LMLN: variants seen among roughly 807,000 people sequenced by gnomAD.
The protein encoded by LMLN is leishmanolysin like peptidase.
In LMLN, 70 loss-of-function variants were observed where a neutral mutation model predicts 92.3. The observed-to-expected ratio is 0.76, with a 90% confidence interval of 0.63 to 0.92. LMLN has a LOEUF of 0.92. Ranked by LOEUF, LMLN falls within the 40% of genes least tolerant of loss-of-function variation. The probability of loss-of-function intolerance (pLI) is 0.00; values close to 1 mark genes in which losing one functional copy is unlikely to be tolerated. For missense variants in LMLN, 691 were observed against 814.6 expected, an observed-to-expected ratio of 0.85 and a Z score of 1.85; for synonymous variants, 308 against 296.2, an observed-to-expected ratio of 1.04 and a Z score of -0.41.
At chr3:197,990,522 T>A in intron 8 of LMLN, 37 bp from the exon 9 acceptor site, 1 of 878,004 alleles carries the variant, frequency 1.1e-6, no homozygotes, top group East Asian at 2.5e-5. Flanking sequence ...AATGGTGAAT[T>A]TTCAGTAATA....
Position 198,036,122 on chromosome 3 carries a change from T to A in LMLN, c.1867+79T>A, listed in dbSNP as rs1723229166. On this transcript the variant is annotated intron_variant, in intron 15 of 15. Coordinates refer to ENST00000330198, the Ensembl canonical transcript of LMLN. ...CTCTTATAAAATGTTGGCATTTCCC[T>A]TCAAGGAAGCTCTAAAACAAGTTGA... 14 of 1,292,602 alleles carry A rather than the reference T, an allele frequency of 1.1e-5. No homozygotes were observed. The South Asian group carries it at 1.7e-4, about 16-fold the overall frequency. The allele number at this position is 1,292,602 out of a possible 1,614,324, so 80.1% of individuals were successfully genotyped here.
chr3:197,998,610 T>C (rs1321711293), intron 10 of LMLN, among the ~76,000 whole-genome samples: 1 of 152,194 alleles, frequency 6.6e-6, no homozygotes, highest in Non-Finnish European at 1.5e-5. Context: ...GAGATGGCCA[T>C]CTGGTGTTCA....
intron 15 of LMLN, chr3:198,038,207 T>TTA (rs1176998429): frequency 1.3e-5 from 3 of 225,662 alleles, no homozygotes; most frequent in Non-Finnish European, 2.7e-5. Flanking sequence ...TGTTGATAAA[T>TTA]TATATGGTCA....
rs898719341 is a variant in LMLN at position 198,031,282 on chromosome 3, G to T, written c.1657-4551G>T. On this transcript the variant is annotated intron_variant, in intron 14 of 15. Transcript: ENST00000330198. The surrounding 1 kb of genome is among the most constrained non-coding windows in gnomAD (Gnocchi z 4.8). ...AGAATTATTTTAAGAAGGTCTGTTTGTACCAAATTCTTTGGCTTTGACTCC... is the reference window on the plus strand; with the variant it reads ...AGAATTATTTTAAGAAGGTCTGTTTTTACCAAATTCTTTGGCTTTGACTCC... Among the ~76,000 whole-genome samples, 2 of 152,192 alleles carry T rather than the reference G, an allele frequency of 1.3e-5. No homozygotes were observed. Among genetic ancestry groups the T allele is most frequent in the African/African-American group, 4.8e-5 (2 of 41,446 alleles).
Position 198,020,768 on chromosome 3 carries a change from A to ATTTTTTTTTTTTT in LMLN, c.1366-658_1366-646dup, listed in dbSNP as rs71166715. On this transcript the variant is annotated intron_variant, in intron 12 of 15. Transcript: ENST00000330198. ...GCCACCACACCCAGCTAATTTTTGT[A>ATTTTTTTTTTTTT]TTTTTTTTTTTTTTTTTTTTTTTTT... is the stretch of plus-strand genomic sequence containing the variant. Among the ~76,000 whole-genome samples the ATTTTTTTTTTTTT allele has an allele frequency of 4.0e-4, 13 of 32,870 alleles. 1 individual carries two copies. The highest frequency in any genetic ancestry group is 4.8e-4 in the African/African-American group (4 of 8,334). 21.6% of individuals were successfully genotyped at this position (32,870 alleles called of 152,430 possible). A position where few individuals can be genotyped will look rare whatever the true frequency, so the allele number is the denominator to read the frequency against.
chr3:198,023,053 T>C (rs1366814481), intron 13 of LMLN, among the ~76,000 whole-genome samples: 1 of 152,136 alleles, frequency 6.6e-6, no homozygotes, highest in Non-Finnish European at 1.5e-5. Flanking sequence ...TGGGGCTTTG[T>C]GGGTCATAAG....
chr3:198,024,578 T>C (rs1160554769), intron 13 of LMLN, 80 bp from the exon 15 acceptor site: 3 of 1,249,474 alleles, frequency 2.4e-6, no homozygotes, highest in Non-Finnish European at 3.3e-6. Context: ...CAACTTTTAA[T>C]CATAAAAATG....
intron 11 of LMLN, among the ~76,000 whole-genome samples, chr3:198,015,814 A>G (rs1722621659): frequency 6.6e-6 from 1 of 152,184 alleles, no homozygotes; most frequent in African/African-American, 2.4e-5. Context: ...TTTTAGTTGT[A>G]CTTAGAAGGG....
intron 11 of LMLN, among the ~76,000 whole-genome samples, chr3:198,000,368 T>A (rs1722137247): frequency 6.6e-6 from 1 of 152,204 alleles, no homozygotes; most frequent in Non-Finnish European, 1.5e-5. Context: ...CCATGAAAAT[T>A]GTTGACACTA....
At chr3:197,986,287 C>A (rs762535366) in intron 8 of LMLN, among the ~76,000 whole-genome samples, 6 of 152,156 alleles carry the variant, frequency 3.9e-5, no homozygotes, top group African/African-American at 1.4e-4. Context: ...TGGCAAAACC[C>A]TGTCTCTACA....
At chr3:197,995,038 T>C (rs1170865656) in intron 9 of LMLN, among the ~76,000 whole-genome samples, 75 of 152,270 alleles carry the variant, frequency 4.9e-4, no homozygotes. Context: ...ACTGCTCAGG[T>C]CCACTTATTT....
chr3:197,999,185 A>T (rs886728797), intron 10 of LMLN, 81 bp from the exon 11 acceptor site: 4 of 954,098 alleles, frequency 4.2e-6, no homozygotes, highest in Non-Finnish European at 6.8e-6. Context: ...AACATTTTAA[A>T]TATGTATATC....
At chr3:197,983,478 G>A (rs190032521) in intron 6 of LMLN, among the ~76,000 whole-genome samples, 31 of 152,252 alleles carry the variant, frequency 2.0e-4, no homozygotes, top group African/African-American at 7.5e-4. Context: ...AGGCAGTGTT[G>A]GAGCAGGAGA....
At chr3:198,033,062 C>T (rs1331064648) in intron 14 of LMLN, among the ~76,000 whole-genome samples, 1 of 152,162 alleles carries the variant, frequency 6.6e-6, no homozygotes, top group Non-Finnish European at 1.5e-5. Flanking sequence ...GTTATGTCTG[C>T]TGCTACCTGT....
At chr3:197,980,390 G>A in exon 6 of LMLN, 1 of 1,614,066 alleles carries the variant, frequency 6.2e-7, no homozygotes, top group South Asian at 1.1e-5. Context: ...GACCAAGAAG[G>A]CATCTCAGAT....
intron 14 of LMLN, among the ~76,000 whole-genome samples, chr3:198,035,276 T>A (rs2109958416): frequency 6.6e-6 from 1 of 151,750 alleles, no homozygotes; most frequent in African/African-American, 2.4e-5. Flanking sequence ...TTCCATCAGA[T>A]TCTTAAAAAG....
intron 3 of LMLN, 118 bp downstream of exon 3, chr3:197,975,190 A>G: frequency 1.0e-5 from 6 of 595,510 alleles, no homozygotes; most frequent in Admixed American, 2.9e-5. Context: ...AGGTGTTGGT[A>G]GTGAAAGTGC....
intron 6 of LMLN, among the ~76,000 whole-genome samples, chr3:197,983,010 C>T (rs1211102438): frequency 6.6e-6 from 1 of 152,090 alleles, no homozygotes; most frequent in Non-Finnish European, 1.5e-5. Context: ...GCAGGAAGCC[C>T]CTGAAGAGTT....
intron 10 of LMLN, 200 bp downstream of exon 10, chr3:197,996,482 T>A (rs1420431633): frequency 8.3e-6 from 3 of 362,388 alleles, no homozygotes; most frequent in Non-Finnish European, 1.5e-5. Context: ...TGTATGTGTG[T>A]GCAAACACAC....
Sources: gnomAD v4.1 joint callset for allele counts (sites outside exome capture counted in the v4.1 genomes callset) on GRCh38, gnomAD v4.1.1 for gene constraint, Gnocchi (gnomAD v3.1) non-coding constraint, MANE v1.5 for transcripts, NCBI Gene and HGNC (gene_info 2026-07-23, HGNC 2026-07-21) for gene names.